The following EYS variants were observed in gnomAD, a reference collection of about 807,000 sequenced individuals.
EYS encodes the protein EGF-like photoreceptor maintenance factor, also known as protein eyes shut homolog.
A neutral mutation model predicts 282.1 loss-of-function variants in EYS; 250 were observed. The ratio of observed to expected loss-of-function variants is 0.89; its 90% CI spans 0.80 to 0.98. The LOEUF (loss-of-function observed/expected upper bound fraction) is 0.98, where lower values mean the gene tolerates loss of function less well. Among genes scored for constraint, EYS ranks in the 50% least tolerant of loss-of-function variants. The probability of loss-of-function intolerance (pLI) is 0.00; values close to 1 mark genes in which losing one functional copy is unlikely to be tolerated. For missense variants in EYS, 4,016 were observed against 3,709.0 expected, an observed-to-expected ratio of 1.08 and a Z score of -2.15; for synonymous variants, 1,355 against 1,282.9, an observed-to-expected ratio of 1.06 and a Z score of -1.20.
At chr6:65,088,045 G>C (rs376644262) in intron 12 of EYS, among the ~76,000 whole-genome samples, 1 of 152,146 alleles carries the variant, frequency 6.6e-6, no homozygotes, top group African/African-American at 2.4e-5. Context: ...TGAAGAAGGC[G>C]TCTGCTTCTC....
At chr6:65,368,557 C>T (rs998288508) in intron 8 of EYS, among the ~76,000 whole-genome samples, 1 of 151,606 alleles carries the variant, frequency 6.6e-6, no homozygotes, top group South Asian at 2.1e-4. Context: ...ATGAGAATGA[C>T]TTAAACATGA....
chr6:65,062,852 T>C (rs1773619388), intron 12 of EYS, among the ~76,000 whole-genome samples: 1 of 151,970 alleles, frequency 6.6e-6, no homozygotes. Flanking sequence ...TACTTTGCTT[T>C]ATAAAACTTA....
intron 31 of EYS, among the ~76,000 whole-genome samples, chr6:64,110,645 T>G (rs772139851): frequency 1.8e-4 from 27 of 152,026 alleles, no homozygotes; most frequent in Non-Finnish European, 3.4e-4. Flanking sequence ...ATTTATTTTA[T>G]ATATGTATAT....
intron 12 of EYS, among the ~76,000 whole-genome samples, chr6:65,287,268 A>G (rs1244973146): frequency 2.0e-5 from 3 of 151,560 alleles, no homozygotes; most frequent in Non-Finnish European, 4.4e-5. Flanking sequence ...ACCACTCCAC[A>G]GTGTAGAAAT....
intron 26 of EYS, among the ~76,000 whole-genome samples, chr6:64,526,559 T>C (rs1209050835): frequency 6.6e-6 from 1 of 151,908 alleles, no homozygotes; most frequent in African/African-American, 2.4e-5. Context: ...CCATCTCTGT[T>C]ACATTATTAT....
intron 31 of EYS, among the ~76,000 whole-genome samples, chr6:64,161,528 T>C (rs1775106085): frequency 6.6e-6 from 1 of 152,214 alleles, no homozygotes; most frequent in South Asian, 2.1e-4. Flanking sequence ...TTGTGGGAAG[T>C]AATCTTTTTG....
intron 15 of EYS, among the ~76,000 whole-genome samples, chr6:64,921,278 T>C (rs1768340212): frequency 6.6e-6 from 1 of 152,156 alleles, no homozygotes; most frequent in African/African-American, 2.4e-5. Context: ...AACACTAACA[T>C]ATCTTTCCAC....
intron 28 of EYS, among the ~76,000 whole-genome samples, chr6:64,402,983 C>A (rs1773584836): frequency 1.3e-5 from 2 of 152,010 alleles, no homozygotes; most frequent in South Asian, 4.1e-4. Flanking sequence ...GGTTAATACT[C>A]CACATTAATC....
At chr6:64,688,692 A>T (rs999427661) in intron 22 of EYS, among the ~76,000 whole-genome samples, 1 of 152,108 alleles carries the variant, frequency 6.6e-6, no homozygotes, top group Non-Finnish European at 1.5e-5. Flanking sequence ...GAGAAGAATG[A>T]ATATTCTGTT....
At chr6:65,172,922 G>C (rs1219981641) in intron 12 of EYS, among the ~76,000 whole-genome samples, 16 of 150,880 alleles carry the variant, frequency 1.1e-4, no homozygotes, top group African/African-American at 3.9e-4. Flanking sequence ...GTGTGGTCAA[G>C]GGATCAAATT....
intron 2 of EYS, among the ~76,000 whole-genome samples, chr6:65,525,275 G>A (rs1200025334): frequency 6.6e-6 from 1 of 152,030 alleles, no homozygotes; most frequent in African/African-American, 2.4e-5. Flanking sequence ...CTATCAACTT[G>A]ATTATTGTAA....
chr6:64,560,610 C>T (rs572567569), intron 26 of EYS, among the ~76,000 whole-genome samples: 3 of 152,054 alleles, frequency 2.0e-5, no homozygotes, highest in Non-Finnish European at 4.4e-5. Flanking sequence ...ACCTGAAGGT[C>T]AGCGCTCTGA....
chr6:65,350,121 CT>C (rs201062121), intron 9 of EYS, among the ~76,000 whole-genome samples: 1,971 of 151,320 alleles, frequency 0.013, 44 homozygotes, highest in African/African-American at 0.045. Context: ...TACTAAACCA[CT>C]TTTTTTAATA....
intron 12 of EYS, among the ~76,000 whole-genome samples, chr6:65,243,636 C>T (rs541066915): frequency 6.6e-6 from 1 of 152,150 alleles, no homozygotes; most frequent in Non-Finnish European, 1.5e-5. Context: ...TAACTTTCAG[C>T]AGTTAAATTT....
chr6:63,746,821 T>TC (rs1769220775), intron 41 of EYS, among the ~76,000 whole-genome samples: 2 of 152,304 alleles, frequency 1.3e-5, no homozygotes, highest in Middle Eastern at 3.4e-3. Flanking sequence ...CTCTTTTTTT[T>TC]CTTAGTCTGG....
intron 26 of EYS, among the ~76,000 whole-genome samples, chr6:64,563,134 A>G (rs541428293): frequency 6.6e-6 from 1 of 152,212 alleles, no homozygotes; most frequent in East Asian, 1.9e-4. Context: ...TTAATAATTT[A>G]TATAATCAAA....
At chr6:65,286,774 A>T (rs1339229316) in intron 12 of EYS, among the ~76,000 whole-genome samples, 1 of 151,656 alleles carries the variant, frequency 6.6e-6, no homozygotes, top group Non-Finnish European at 1.5e-5. Context: ...CCACACTTTA[A>T]AATTATCTGT....
At chr6:64,885,832 TC>T (rs1052279280) in intron 19 of EYS, among the ~76,000 whole-genome samples, 16 of 151,818 alleles carry the variant, frequency 1.1e-4, no homozygotes, top group African/African-American at 3.9e-4. Flanking sequence ...TACTTCTAGT[TC>T]CTTTCCATTT....
At chr6:64,847,885 C>T (rs1463199018) in intron 19 of EYS, among the ~76,000 whole-genome samples, 2 of 152,196 alleles carry the variant, frequency 1.3e-5, no homozygotes, top group East Asian at 3.9e-4. Context: ...TCTATCAATG[C>T]TGATTGGAAA....
Sources: gnomAD v4.1 joint callset for allele counts (sites outside exome capture counted in the v4.1 genomes callset) on GRCh38, gnomAD v4.1.1 for gene constraint, MANE v1.5 for transcripts, NCBI Gene and HGNC (gene_info 2026-07-23, HGNC 2026-07-21) for gene names.